The following FLYWCH1 variants were observed in gnomAD, a reference collection of about 807,000 sequenced individuals.
FLYWCH1 encodes FLYWCH-type zinc finger-containing protein 1.
Under a neutral mutation model 66.4 loss-of-function variants are expected in FLYWCH1, and 75 were observed. That is an observed-to-expected ratio of 1.13 (90% confidence interval 0.94 to 1.37). The LOEUF (loss-of-function observed/expected upper bound fraction) is 1.37. Ranked by LOEUF, FLYWCH1 falls within the 40% of genes most tolerant of loss-of-function variation. The pLI is 0.00. For synonymous variants in FLYWCH1, 595 were observed against 429.9 expected (o/e 1.38, Z -4.75); for missense variants, 1,334 against 1,001.8 (o/e 1.33, Z -4.48).
At position 2,948,670 on chromosome 16, in the gene FLYWCH1, G is replaced by T. The variant is rs1211658126; in HGVS notation, c.2112-18G>T. 1.9e-6 allele frequency: 3 copies of T among 1,612,886 alleles called. No homozygotes were observed. In the South Asian group the frequency reaches 3.3e-5, roughly 18 times the overall value. Reference sequence around the variant, plus strand: ...ATGTTTTGATGTGTGCAATGAACATGTGTCTCTTTGTAATTAGGGACATCA... The same window carrying T: ...ATGTTTTGATGTGTGCAATGAACATTTGTCTCTTTGTAATTAGGGACATCA... On this transcript the variant is annotated intron_variant, in intron 9 of 9. Coordinates refer to ENST00000253928, the MANE Select transcript of FLYWCH1 (RefSeq NM_001308068.2).
At position 2,933,726 on chromosome 16, in the gene FLYWCH1, G is replaced by T. The variant is rs933621284; in HGVS notation, c.1260G>T (p.Glu420Asp). Reference sequence around the variant, plus strand: ...CTTGAACCTCCCCAGGAGGCCCTGAGTTCCTGAAGACGCCCCTGGGGGGCA... The same window carrying T: ...CTTGAACCTCCCCAGGAGGCCCTGATTTCCTGAAGACGCCCCTGGGGGGCA... Reference protein sequence around the residue: ...QDMDADPGGPEFLKTPLGGSF... With the variant: ...QDMDADPGGPDFLKTPLGGSF... The change falls in exon 6 of 10, where the codon GAG (glutamate) becomes GAT (aspartate). Residue 420 changes from glutamate (E) to aspartate (D), a missense_variant. Transcript: ENST00000253928. 6.2e-7 allele frequency: 1 copy of T among 1,612,830 alleles called. No homozygotes were observed. Among genetic ancestry groups the T allele is most frequent in the Non-Finnish European group, 8.5e-7 (1 of 1,179,410 alleles).
At chr16:2,941,119 CTCAGAAATACGTAGAAAT>C (rs1327666435) in intron 9 of FLYWCH1, among the ~76,000 whole-genome samples, 3 of 151,998 alleles carry the variant, frequency 2.0e-5, no homozygotes, top group African/African-American at 7.2e-5. Context: ...ATTTGGGAAA[CTCAGAAATACGTAGAAAT>C]TAAAGAACAC....
At chr16:2,917,639 C>T (rs1171455433) in intron 2 of FLYWCH1, among the ~76,000 whole-genome samples, 1 of 152,062 alleles carries the variant, frequency 6.6e-6, no homozygotes, top group Non-Finnish European at 1.5e-5. Context: ...CAAAGCAAAC[C>T]TCAGGTGTTG....
chr16:2,917,830 A>G (rs2070226021), intron 2 of FLYWCH1, among the ~76,000 whole-genome samples: 2 of 117,674 alleles, frequency 1.7e-5, no homozygotes, highest in African/African-American at 6.4e-5. Flanking sequence ...CACCCCCCAA[A>G]ATCTGGAGTC....
chr16:2,936,988 G>A, intron 6 of FLYWCH1, 133 bp from the exon 7 acceptor site: 2 of 897,096 alleles, frequency 2.2e-6, no homozygotes, highest in South Asian at 2.2e-5. Context: ...GGTGGCATCT[G>A]TGTCCTGGGC....
At chr16:2,916,206 G>A (rs753628081) in intron 2 of FLYWCH1, among the ~76,000 whole-genome samples, 4 of 152,152 alleles carry the variant, frequency 2.6e-5, no homozygotes, top group African/African-American at 4.8e-5. Context: ...TTAGCTGGGC[G>A]TGTTGGTGCG....
intron 9 of FLYWCH1, among the ~76,000 whole-genome samples, chr16:2,945,585 GTGCACCGAGATCGTGCCAC>G (rs1348896414): frequency 6.9e-6 from 1 of 145,842 alleles, no homozygotes; most frequent in East Asian, 2.0e-4. Context: ...GATCGTGGCA[GTGCACCGAGATCGTGCCAC>G]TGCTCTCCAG....
In FLYWCH1 at chr16:2,949,108, C is replaced by G. The variant is rs1048447338; in HGVS notation, c.*381C>G. 3.6e-6 allele frequency: 1 copy of G among 277,476 alleles called. No homozygotes were observed. The highest frequency in any genetic ancestry group is 9.8e-5 in the East Asian group (1 of 10,158). The allele number at this position is 277,476 out of a possible 1,614,324, so 17.2% of individuals were successfully genotyped here. ...CCACCTGGCGAGGCCCCGCTCTGCT[C>G]AGCACGGTGCAAAGTGAATGCTGCT... On this transcript the variant is annotated 3_prime_UTR_variant, in exon 10 of 10. Coordinates refer to ENST00000253928, the MANE Select transcript of FLYWCH1 (RefSeq NM_001308068.2).
chr16:2,933,103 A>T (rs368887185), intron 4 of FLYWCH1, 27 bp from the exon 5 acceptor site: 159 of 1,596,934 alleles, frequency 1.0e-4, no homozygotes, highest in Non-Finnish European at 1.2e-4. Flanking sequence ...ACCCCTGGTG[A>T]TGTGACCACT....
At position 2,932,117 on chromosome 16, in the gene FLYWCH1, CA is replaced by C. The variant is rs71158124; in HGVS notation, c.797-995del. 2.1e-3 allele frequency among the ~76,000 whole-genome samples: 232 copies of C among 109,850 alleles called. 1 individual carries two copies. Among genetic ancestry groups the C allele is most frequent in the African/African-American group, 3.4e-3 (96 of 27,848 alleles). The allele number at this position is 109,850 out of a possible 152,430, so 72.1% of individuals were successfully genotyped here. A position where few individuals can be genotyped will look rare whatever the true frequency, so the allele number is the denominator to read the frequency against. ...TGGGCAAAAGAGCAAGACTCTGTCTCAAAAAAAAAAAAAAAAAATTAGCTGG... is the reference window on the plus strand; with the variant it reads ...TGGGCAAAAGAGCAAGACTCTGTCTCAAAAAAAAAAAAAAAAATTAGCTGG... On this transcript the variant is annotated intron_variant, in intron 4 of 9. Transcript: ENST00000253928.
Position 2,938,284 on chromosome 16 carries a change from G to T in FLYWCH1, c.1878G>T (p.Lys626Asn). The T allele has an allele frequency of 6.2e-7, 1 of 1,612,734 alleles. No individual in the cohort carries two copies. Among genetic ancestry groups the T allele is most frequent in the Non-Finnish European group, 8.5e-7 (1 of 1,179,424 alleles). The change falls in exon 8 of 10, where the codon AAG (lysine) becomes AAT (asparagine). Residue 626 changes from lysine to asparagine, a missense_variant. Physicochemically the swap from Lys to Asn is moderately conservative, Grantham distance 94. Coordinates refer to ENST00000253928, the MANE Select transcript of FLYWCH1 (RefSeq NM_001308068.2). ...GGAAGGAGAAGGCGGCTGGGGAGAAGGTGTACTGGATGTGCCGGGACCAGG... is the reference window on the plus strand; with the variant it reads ...GGAAGGAGAAGGCGGCTGGGGAGAATGTGTACTGGATGTGCCGGGACCAGG... The part of the protein sequence containing the change: ...LYRKEKAAGE[K>N]VYWMCRDQAR...
chr16:2,923,286 C>T (rs546849592), intron 2 of FLYWCH1: 77 of 238,668 alleles, frequency 3.2e-4, no homozygotes, highest in Non-Finnish European at 5.1e-4. Flanking sequence ...CTCGCTCTGT[C>T]GCCCAGGCTG....
chr16:2,943,307 G>A (rs959195712), intron 9 of FLYWCH1: 4 of 151,860 alleles, frequency 2.6e-5, no homozygotes, highest in Non-Finnish European at 5.9e-5. Context: ...CCCAGGGGAG[G>A]GGACTCTGGG....
intron 9 of FLYWCH1, among the ~76,000 whole-genome samples, chr16:2,944,952 A>C (rs769286087): frequency 1.3e-5 from 2 of 152,190 alleles, no homozygotes; most frequent in Non-Finnish European, 2.9e-5. Flanking sequence ...TTGTCCCTGA[A>C]GACCTTCCAG....
chr16:2,926,213 C>A (rs1032056082), intron 2 of FLYWCH1, among the ~76,000 whole-genome samples: 4 of 152,196 alleles, frequency 2.6e-5, no homozygotes, highest in African/African-American at 9.7e-5. Flanking sequence ...TAGAACAATT[C>A]TGCCCATGGT....
At chr16:2,922,900 C>A in intron 2 of FLYWCH1, 1 of 523,328 alleles carries the variant, frequency 1.9e-6, no homozygotes, top group Non-Finnish European at 3.8e-6. Context: ...AATTGATGAT[C>A]GCATAGTGGT....
chr16:2,931,153 C>G lies in FLYWCH1; in HGVS notation c.796+273C>G, dbSNP rs1281928532. On this transcript the variant is annotated intron_variant, in intron 4 of 9. Coordinates refer to ENST00000253928, the MANE Select transcript of FLYWCH1 (RefSeq NM_001308068.2). ...CCCTGTCTCTACTAAAAATACAACA[C>G]TTAGCCGGGCATGCTGGTGCGCACC... is the stretch of plus-strand genomic sequence containing the variant. Among the ~76,000 whole-genome samples, 4 of 151,358 alleles carry G rather than the reference C, an allele frequency of 2.6e-5. No homozygotes were observed. The East Asian group carries it at 7.8e-4, about 29-fold the overall frequency.
chr16:2,945,419 G>T (rs1399704802), intron 9 of FLYWCH1, among the ~76,000 whole-genome samples: 1 of 149,500 alleles, frequency 6.7e-6, no homozygotes, highest in African/African-American at 2.5e-5. Context: ...CAGGGAGTTG[G>T]AGGTTGCAGT....
chr16:2,924,201 G>A (rs1419483571), intron 2 of FLYWCH1, among the ~76,000 whole-genome samples: 1 of 152,086 alleles, frequency 6.6e-6, no homozygotes, highest in South Asian at 2.1e-4. Flanking sequence ...GTGGTGGCGG[G>A]CGCCTGTAGT....
Sources: allele counts gnomAD v4.1 joint callset (sites outside exome capture counted in the v4.1 genomes callset), GRCh38; gene constraint gnomAD v4.1.1; transcripts MANE v1.5; gene names NCBI Gene and HGNC (gene_info 2026-07-23, HGNC 2026-07-21).